Variants in PDCD11 observed in about 807,000 individuals in gnomAD.
PDCD11 encodes protein RRP5 homolog.
PDCD11 carries 97 observed loss-of-function variants against 198.9 expected under a neutral mutation model. The observed-to-expected ratio is 0.49, with a 90% CI of 0.41 to 0.58. PDCD11 has a LOEUF of 0.58. Among genes scored for constraint, PDCD11 ranks in the 20% least tolerant of loss-of-function variants. The probability of loss-of-function intolerance (pLI) is 0.00; values close to 1 mark genes in which losing one functional copy is unlikely to be tolerated. For missense variants in PDCD11, 2,102 were observed against 2,312.7 expected, an observed-to-expected ratio of 0.91 and a Z score of 1.87; for synonymous variants, 893 against 918.0, an observed-to-expected ratio of 0.97 and a Z score of 0.49.
Position 103,405,071 on chromosome 10 carries a change from G to C in PDCD11, c.452G>C (p.Cys151Ser). Residue 151 changes from cysteine to serine, a missense_variant, in exon 5 of 36, where the codon TGT becomes TCT. By Grantham distance (112) the Cys-to-Ser change is moderately radical. Coordinates refer to ENST00000369797, the MANE Select transcript of PDCD11 (RefSeq NM_014976.2). ...ELFSPGMLVR[C>S]VVSSLGITDR... ...TTCTCACCTGGAATGCTGGTAAGAT[G>C]TGTGGTGAGCAGTCTGGGCATCACA... 1.2e-6 allele frequency: 2 copies of C among 1,614,166 alleles called. No individual in the cohort carries two copies. The highest frequency in any genetic ancestry group is 1.7e-6 in the Non-Finnish European group (2 of 1,179,990).
intron 2 of PDCD11, 98 bp from the exon 3 acceptor site, chr10:103,400,299 T>A: frequency 1.1e-6 from 1 of 918,284 alleles, no homozygotes; most frequent in Non-Finnish European, 1.5e-6. Context: ...AGTGAAGGAG[T>A]AACAAAGCAA....
chr10:103,408,223 G>A (rs2030579167), intron 7 of PDCD11, among the ~76,000 whole-genome samples: 2 of 151,416 alleles, frequency 1.3e-5, no homozygotes, highest in African/African-American at 4.9e-5. Context: ...ATGTCCTTGT[G>A]CTCTAGGATG....
At position 103,427,386 on chromosome 10, in the gene PDCD11, G is replaced by A; in HGVS notation, c.3363G>A (p.Arg1121=). The change falls in exon 21 of 36, where the codon CGG becomes CGA. Residue 1121 remains arginine, a synonymous_variant. Coordinates refer to ENST00000369797, the MANE Select transcript of PDCD11 (RefSeq NM_014976.2). ...GAACCATCCCGGAGCTGAGTGTTCG[G>A]CCAAGGTGAGGGGGACATTAGCAGC... The part of the protein sequence containing the change: ...FVRTIPELSV[R]PSELEDGHTA... The A allele has an allele frequency of 1.2e-6, 2 of 1,611,030 alleles. No homozygotes were observed. The highest frequency in any genetic ancestry group is 1.7e-6 in the Non-Finnish European group (2 of 1,178,404).
chr10:103,416,180 A>G (rs2031098270), intron 12 of PDCD11, among the ~76,000 whole-genome samples: 1 of 152,192 alleles, frequency 6.6e-6, no homozygotes, highest in Non-Finnish European at 1.5e-5. Flanking sequence ...ACTAGGAAGG[A>G]GCCAAGATGG....
chr10:103,444,383 T>C, intron 34 of PDCD11, 134 bp from the exon 35 acceptor site: 9 of 862,650 alleles, frequency 1.0e-5, no homozygotes, highest in Non-Finnish European at 1.6e-5. Flanking sequence ...TTTTGGGTCT[T>C]TGTCCCTCTT....
intron 25 of PDCD11, among the ~76,000 whole-genome samples, chr10:103,435,542 G>T (rs1034149182): frequency 6.6e-6 from 1 of 151,724 alleles, no homozygotes; most frequent in Admixed American, 6.6e-5. Context: ...AGGCAGTCTG[G>T]CTGGAGTGCA....
At position 103,419,580 on chromosome 10, in the gene PDCD11, G is replaced by C. The variant is rs2031307148; in HGVS notation, c.2149G>C (p.Gly717Arg). The C allele has an allele frequency of 6.2e-7, 1 of 1,613,982 alleles. No individual in the cohort carries two copies. The highest frequency in any genetic ancestry group is 1.7e-5 in the Admixed American group (1 of 59,980). The change falls in exon 16 of 36, where the codon GGC becomes CGC. Residue 717 changes from glycine (G) to arginine (R), a missense_variant. By Grantham distance (125) the Gly-to-Arg change is moderately radical (BLOSUM62 -2). Transcript: ENST00000369797. ...KPALVSTVEG[G>R]QDPKNFSEIH... ...AGCCTTGGTCTCCACAGTAGAAGGT[G>C]GCCAGGATCCCAAGAACTTCTCAGA...
At chr10:103,402,881 G>T (rs1018392792) in intron 3 of PDCD11, among the ~76,000 whole-genome samples, 1 of 152,036 alleles carries the variant, frequency 6.6e-6, no homozygotes, top group Non-Finnish European at 1.5e-5. Context: ...CTACAGGCGT[G>T]TACCACTATG....
chr10:103,403,935 C>A (rs2030278961), intron 4 of PDCD11, among the ~76,000 whole-genome samples: 1 of 152,162 alleles, frequency 6.6e-6, no homozygotes, highest in South Asian at 2.1e-4. Context: ...GATGCTTGGT[C>A]ATGACATCCT....
chr10:103,437,225 T>C (rs2032187970), intron 25 of PDCD11, among the ~76,000 whole-genome samples: 1 of 152,192 alleles, frequency 6.6e-6, no homozygotes, highest in African/African-American at 2.4e-5. Context: ...CACTGCAACC[T>C]CAAATTCTTG....
At chr10:103,429,272 G>A (rs1169921751) in intron 21 of PDCD11, among the ~76,000 whole-genome samples, 1 of 152,174 alleles carries the variant, frequency 6.6e-6, no homozygotes, top group Non-Finnish European at 1.5e-5. Flanking sequence ...ATTCCTGTTA[G>A]CCAGTGAGTT....
At position 103,441,816 on chromosome 10, in the gene PDCD11, GT is replaced by G; in HGVS notation, c.4558-8del. ...CAGGTGCTTTCTTTAGCGCCTCTGT[GT>G]TCCTCCAGGAGAAGCAAACCAAGCC... On this transcript the variant is annotated splice_polypyrimidine_tract_variant and intron_variant, in intron 30 of 35. Coordinates refer to ENST00000369797, the MANE Select transcript of PDCD11 (RefSeq NM_014976.2). 6.2e-7 allele frequency: 1 copy of G among 1,613,678 alleles called. No individual in the cohort carries two copies. Among genetic ancestry groups the G allele is most frequent in the Non-Finnish European group, 8.5e-7 (1 of 1,179,772 alleles).
Position 103,441,925 on chromosome 10 carries a change from C to T in PDCD11, c.4657C>T (p.Leu1553=), listed in dbSNP as rs780865153. 5 of 1,614,140 alleles carry T rather than the reference C, an allele frequency of 3.1e-6. No homozygotes were observed. The highest frequency in any genetic ancestry group is 4.2e-6 in the Non-Finnish European group (5 of 1,180,050). Reference sequence around the variant, plus strand: ...CTCTCTGACCCCGGCCTTGCCACCTCTAGCAGAGAGCTCAGACAGCGAGGA... The same window carrying T: ...CTCTCTGACCCCGGCCTTGCCACCTTTAGCAGAGAGCTCAGACAGCGAGGA... ...LDSLTPALPP[L]AESSDSEEDE... The change falls in exon 31 of 36, where the codon CTA becomes TTA. Residue 1553 remains leucine, a synonymous_variant. Coordinates refer to ENST00000369797, the MANE Select transcript of PDCD11 (RefSeq NM_014976.2).
At chr10:103,422,171 C>T (rs951942144) in intron 17 of PDCD11, among the ~76,000 whole-genome samples, 1 of 150,500 alleles carries the variant, frequency 6.6e-6, no homozygotes, top group Non-Finnish European at 1.5e-5. Flanking sequence ...ACTTCCACCC[C>T]CCAGGTTCAA....
chr10:103,414,211 T>G (rs1463325728), intron 10 of PDCD11, 59 bp from the exon 11 acceptor site: 10 of 1,584,958 alleles, frequency 6.3e-6, no homozygotes, highest in African/African-American at 1.3e-5. Context: ...GTGGTAGCCC[T>G]GAATTTTAGG....
chr10:103,405,853 C>T (rs1322777648), intron 5 of PDCD11, 132 bp from the exon 6 acceptor site: 16 of 959,162 alleles, frequency 1.7e-5, no homozygotes, highest in Admixed American at 2.2e-5. Context: ...GGGATTGTGG[C>T]TTAAGGTTTA....
chr10:103,443,225 C>T lies in PDCD11; in HGVS notation c.5016C>T (p.Gly1672=). Residue 1672 remains glycine (G), a synonymous_variant, in exon 33 of 36, where the codon GGC becomes GGT. Coordinates refer to ENST00000369797, the MANE Select transcript of PDCD11 (RefSeq NM_014976.2). Reference sequence around the variant, plus strand: ...TGCTGAACCTGGAGAACATGTACGGCTCTCAGGAGTCCCTGACCAAGGTCT... The same window carrying T: ...TGCTGAACCTGGAGAACATGTACGGTTCTCAGGAGTCCCTGACCAAGGTCT... ...VALLNLENMY[G]SQESLTKVFE... The T allele has an allele frequency of 1.2e-6, 2 of 1,612,386 alleles. No individual in the cohort carries two copies. Among genetic ancestry groups the T allele is most frequent in the Non-Finnish European group, 1.7e-6 (2 of 1,178,690 alleles).
chr10:103,423,455 T>G, intron 18 of PDCD11, 88 bp from the exon 19 acceptor site: 1 of 1,004,426 alleles, frequency 1.0e-6, no homozygotes. Context: ...CTTTTTTGGA[T>G]CTAAGGGGTA....
chr10:103,434,767 C>A, intron 24 of PDCD11, 31 bp from the exon 25 acceptor site: 2 of 1,581,440 alleles, frequency 1.3e-6, no homozygotes, highest in South Asian at 1.2e-5. Flanking sequence ...CTCATTTCCT[C>A]TTCCCTGAAT....
Sources: gnomAD v4.1 joint callset for allele counts (sites outside exome capture counted in the v4.1 genomes callset) on GRCh38, gnomAD v4.1.1 for gene constraint, MANE v1.5 for transcripts, NCBI Gene and HGNC (gene_info 2026-07-23, HGNC 2026-07-21) for gene names.